Variants in CLCN3 observed in about 807,000 individuals in gnomAD.
CLCN3 encodes the protein H(+)/Cl(-) exchange transporter 3.
Under a neutral mutation model 83.4 loss-of-function variants are expected in CLCN3, and 16 were observed. That is an observed-to-expected ratio of 0.19 (90% CI 0.13 to 0.29). The LOEUF (loss-of-function observed/expected upper bound fraction) is 0.29. CLCN3 is among the 10% of genes least tolerant of loss of function. The pLI is 1.00. For missense variants in CLCN3, 544 were observed against 1,006.0 expected, an observed-to-expected ratio of 0.54 and a Z score of 6.21; for synonymous variants, 322 against 346.2, an observed-to-expected ratio of 0.93 and a Z score of 0.78.
At chr4:169,709,093 CAT>C (rs1430020530) in intron 11 of CLCN3, among the ~76,000 whole-genome samples, 6 of 147,524 alleles carry the variant, frequency 4.1e-5, no homozygotes, top group Admixed American at 1.4e-4. Flanking sequence ...TAAATATTAA[CAT>C]AATTACATTA....
intron 1 of CLCN3, among the ~76,000 whole-genome samples, 165 bp downstream of exon 1, chr4:169,621,228 A>G (rs1435879844): frequency 6.6e-6 from 1 of 152,082 alleles, no homozygotes; most frequent in African/African-American, 2.4e-5. Flanking sequence ...TTAGGTATAT[A>G]CCCTCAGACA....
At chr4:169,654,561 T>C (rs998574044) in intron 2 of CLCN3, among the ~76,000 whole-genome samples, 3 of 152,210 alleles carry the variant, frequency 2.0e-5, no homozygotes, top group Non-Finnish European at 4.4e-5. Flanking sequence ...ATGCCTTTTT[T>C]ATTATCACTA....
chr4:169,679,619 G>A (rs1447005292), intron 2 of CLCN3, among the ~76,000 whole-genome samples: 3 of 152,192 alleles, frequency 2.0e-5, no homozygotes, highest in Non-Finnish European at 2.9e-5. Flanking sequence ...CTGAGTGAGC[G>A]AGACTCCGTC....
intron 9 of CLCN3, chr4:169,702,777 CAAAAAAA>C (rs60812626): frequency 8.3e-6 from 2 of 240,032 alleles, no homozygotes; most frequent in Non-Finnish European, 1.6e-5. Context: ...CCCATCTCTA[CAAAAAAA>C]AAAAAAAAAA....
intron 2 of CLCN3, among the ~76,000 whole-genome samples, chr4:169,637,610 A>ACAG (rs70964214): frequency 6.6e-6 from 1 of 151,336 alleles, no homozygotes. Context: ...AACAACAACA[A>ACAG]AAACTTTTTC....
At chr4:169,685,799 T>G (rs1221982800) in intron 3 of CLCN3, among the ~76,000 whole-genome samples, 1 of 152,208 alleles carries the variant, frequency 6.6e-6, no homozygotes, top group African/African-American at 2.4e-5. Flanking sequence ...TTCTTACACA[T>G]TATTTTTATT....
intron 3 of CLCN3, among the ~76,000 whole-genome samples, chr4:169,685,700 C>G (rs534163791): frequency 6.6e-6 from 1 of 152,292 alleles, no homozygotes; most frequent in South Asian, 2.1e-4. Flanking sequence ...CAAGCAACTA[C>G]TTAAGTGACT....
Position 169,704,196 on chromosome 4 carries a change from G to A in CLCN3, c.1750+12G>A. On this transcript the variant is annotated intron_variant, in intron 10 of 12. Transcript: ENST00000513761. ...TGCTGCATGCTTAGGTAATATGGCT[G>A]TGTCTGCCTGTGTGTGGATGTTTGC... 6.2e-7 allele frequency: 1 copy of A among 1,603,160 alleles called. No homozygotes were observed. Among genetic ancestry groups the A allele is most frequent in the Non-Finnish European group, 8.5e-7 (1 of 1,172,502 alleles).
chr4:169,689,131 C>T lies in CLCN3; in HGVS notation c.507C>T (p.His169=), dbSNP rs79072182. The T allele has an allele frequency of 9.3e-6, 15 of 1,613,748 alleles. No homozygotes were observed. Among genetic ancestry groups the T allele is most frequent in the East Asian group, 8.9e-5 (4 of 44,864 alleles). The change falls in exon 5 of 13, where the codon CAC becomes CAT. Residue 169 remains histidine, a synonymous_variant. Coordinates refer to ENST00000513761, the MANE Select transcript of CLCN3 (RefSeq NM_001829.4). Reference sequence around the variant, plus strand: ...GCCTTAGTGCGTTGTGGTACAACCACGAACAGTGCTGTTGGGGATCTAATG... The same window carrying T: ...GCCTTAGTGCGTTGTGGTACAACCATGAACAGTGCTGTTGGGGATCTAATG... The part of the protein sequence containing the change: ...GICLSALWYN[H]EQCCWGSNET...
chr4:169,687,309 G>A (rs764437696), intron 3 of CLCN3, among the ~76,000 whole-genome samples: 1 of 152,176 alleles, frequency 6.6e-6, no homozygotes, highest in African/African-American at 2.4e-5. Flanking sequence ...GGCTGGGCAC[G>A]GTGGCTCACA....
chr4:169,678,359 A>G (rs2150236109), intron 2 of CLCN3, among the ~76,000 whole-genome samples: 1 of 152,056 alleles, frequency 6.6e-6, no homozygotes, highest in Middle Eastern at 3.4e-3. Flanking sequence ...GTTTTGGATA[A>G]TTTTTCTTAA....
intron 2 of CLCN3, among the ~76,000 whole-genome samples, chr4:169,666,890 T>C (rs1731263357): frequency 6.6e-6 from 1 of 152,218 alleles, no homozygotes; most frequent in Admixed American, 6.5e-5. Flanking sequence ...AACTAATATA[T>C]GTAATGTCCT....
chr4:169,671,495 C>G (rs981855749), intron 2 of CLCN3, among the ~76,000 whole-genome samples: 2 of 152,052 alleles, frequency 1.3e-5, no homozygotes, highest in Non-Finnish European at 2.9e-5. Flanking sequence ...ATACATAATG[C>G]ATTTGGGGTT....
intron 2 of CLCN3, among the ~76,000 whole-genome samples, chr4:169,650,267 C>T (rs762962886): frequency 2.0e-5 from 3 of 152,066 alleles, no homozygotes; most frequent in Non-Finnish European, 4.4e-5. Context: ...ACAGTATTCT[C>T]GTATGTAGAT....
At chr4:169,625,828 A>G (rs941448479) in intron 1 of CLCN3, among the ~76,000 whole-genome samples, 7 of 152,230 alleles carry the variant, frequency 4.6e-5, no homozygotes, top group Non-Finnish European at 1.0e-4. Context: ...TCACAGCCAA[A>G]GTATTTTTTA....
intron 9 of CLCN3, 21 bp downstream of exon 9, chr4:169,697,755 A>T (rs1222972159): frequency 1.3e-6 from 2 of 1,533,874 alleles, no homozygotes; most frequent in South Asian, 2.4e-5. Context: ...ATGTGAGGTG[A>T]TATTTGGGTA....
At chr4:169,663,484 C>A in intron 2 of CLCN3, 1 of 282,750 alleles carries the variant, frequency 3.5e-6, no homozygotes, top group Non-Finnish European at 7.0e-6. Context: ...CTTGCAACAC[C>A]TTGCCTGGCT....
intron 9 of CLCN3, among the ~76,000 whole-genome samples, chr4:169,703,629 A>G (rs35981888): frequency 0.03 from 4,573 of 150,734 alleles, 135 homozygotes; most frequent in African/African-American, 0.08. Flanking sequence ...TGCAACTGTC[A>G]CCCAAGTAGT....
chr4:169,660,169 AG>A, intron 2 of CLCN3: 2 of 1,144,238 alleles, frequency 1.7e-6, no homozygotes, highest in South Asian at 8.0e-5. Context: ...ACTAGCAACC[AG>A]GCTGCAATAA....
Sources: gnomAD v4.1 joint callset for allele counts (sites outside exome capture counted in the v4.1 genomes callset) on GRCh38, gnomAD v4.1.1 for gene constraint, MANE v1.5 for transcripts, NCBI Gene and HGNC (gene_info 2026-07-23, HGNC 2026-07-21) for gene names.